Variants in CSE1L observed in about 807,000 individuals in gnomAD.
CSE1L encodes the protein chromosome segregation 1 like, also known as exportin-2.
A neutral mutation model predicts 120.4 loss-of-function variants in CSE1L; 24 were observed. The observed-to-expected ratio is 0.20, with a 90% CI of 0.14 to 0.28. The LOEUF (loss-of-function observed/expected upper bound fraction) is 0.28. Ranked by LOEUF, CSE1L falls within the 10% of genes least tolerant of loss-of-function variation. The pLI is 1.00. For missense variants in CSE1L, 830 were observed against 1,145.2 expected (o/e 0.72, Z 3.97); for synonymous variants, 402 against 398.3 (o/e 1.01, Z -0.11).
chr20:49,065,422 A>C (rs566633577), intron 3 of CSE1L, among the ~76,000 whole-genome samples: 5 of 142,112 alleles, frequency 3.5e-5, no homozygotes, highest in African/African-American at 1.3e-4. Flanking sequence ...TCTCAGGTCC[A>C]AATGATTGTC....
chr20:49,078,475 T>C (rs1243717417), intron 13 of CSE1L, 86 bp from the exon 14 acceptor site: 1 of 884,056 alleles, frequency 1.1e-6, no homozygotes, highest in South Asian at 1.6e-5. Flanking sequence ...CATTTTATCT[T>C]TTTTTATAAC....
Position 49,094,785 on chromosome 20 carries a change from C to T in CSE1L, c.2648C>T (p.Thr883Ile). 6.2e-7 allele frequency: 1 copy of T among 1,614,034 alleles called. No individual in the cohort carries two copies. The highest frequency in any genetic ancestry group is 1.1e-5 in the South Asian group (1 of 91,072). Residue 883 changes from threonine to isoleucine, a missense_variant, in exon 24 of 25, where the codon ACC becomes ATC. By Grantham distance (89) the Thr-to-Ile change is moderately conservative. Coordinates refer to ENST00000262982, the MANE Select transcript of CSE1L (RefSeq NM_001316.4). ...CTTTTTGAGTTACCCGAAGATGATACCATTCCTGATGAGGAACATTTTATT... is the reference window on the plus strand; with the variant it reads ...CTTTTTGAGTTACCCGAAGATGATATCATTCCTGATGAGGAACATTTTATT... The part of the protein sequence containing the change: ...IGLFELPEDD[T>I]IPDEEHFIDI...
In CSE1L at chr20:49,084,073, T is replaced by C. The variant is rs1312408000; in HGVS notation, c.1530T>C (p.His510=). The change falls in exon 15 of 25, where the codon CAT becomes CAC. Residue 510 remains histidine, a synonymous_variant. Transcript: ENST00000262982. The part of the protein sequence containing the change: ...LLVSIPLLIN[H]LQAESIVVHT... ...TCTCGATTCCTCTCTTGATTAATCATCTTCAAGCTGAAAGTATTGTTGTTC... is the reference window on the plus strand; with the variant it reads ...TCTCGATTCCTCTCTTGATTAATCACCTTCAAGCTGAAAGTATTGTTGTTC... 3.1e-6 allele frequency: 5 copies of C among 1,613,952 alleles called. No homozygotes were observed. In the Admixed American group the frequency reaches 8.3e-5, roughly 27 times the overall value.
chr20:49,087,054 T>C (rs2092064654), intron 16 of CSE1L, among the ~76,000 whole-genome samples: 1 of 152,238 alleles, frequency 6.6e-6, no homozygotes, highest in Non-Finnish European at 1.5e-5. Flanking sequence ...CTCTGCTTAG[T>C]AAACATTTAT....
chr20:49,082,474 C>T (rs1600539624), intron 14 of CSE1L, among the ~76,000 whole-genome samples: 2 of 151,806 alleles, frequency 1.3e-5, no homozygotes, highest in African/African-American at 4.8e-5. Flanking sequence ...GTATAAATGA[C>T]ATCATACTAT....
chr20:49,074,222 CTTT>C (rs200689109), intron 10 of CSE1L, among the ~76,000 whole-genome samples: 1 of 121,064 alleles, frequency 8.3e-6, no homozygotes, highest in Non-Finnish European at 1.6e-5. Context: ...TGTGTGTAGA[CTTT>C]TTTTTTTTTT....
intron 16 of CSE1L, among the ~76,000 whole-genome samples, chr20:49,086,474 G>A (rs754890017): frequency 3.7e-4 from 52 of 139,896 alleles, no homozygotes; most frequent in Non-Finnish European, 6.5e-4. Context: ...CAAGCGATTC[G>A]CCTGCCTCAG....
intron 14 of CSE1L, among the ~76,000 whole-genome samples, chr20:49,082,478 A>G (rs1434365759): frequency 6.6e-6 from 1 of 151,482 alleles, no homozygotes; most frequent in East Asian, 2.0e-4. Flanking sequence ...AAATGACATC[A>G]TACTATGGGT....
intron 3 of CSE1L, among the ~76,000 whole-genome samples, chr20:49,064,420 A>G (rs1342539302): frequency 6.6e-6 from 1 of 152,218 alleles, no homozygotes; most frequent in Non-Finnish European, 1.5e-5. Context: ...TGGTAAAGAA[A>G]TCTTAGAGGC....
Position 49,067,272 on chromosome 20 carries a change from C to G in CSE1L, c.559C>G (p.Leu187Val). Residue 187 changes from leucine (L) to valine (V), a missense_variant, in exon 6 of 25, where the codon CTT becomes GTT. By Grantham distance (32) the Leu-to-Val change is conservative. Transcript: ENST00000262982. ...LDAFALPLTN[L>V]FKATIELCST... ...TGCCTTTGCTTTGCCTTTGACTAATCTTTTTAAGGTATGGAATGCATCTTG... is the reference window on the plus strand; with the variant it reads ...TGCCTTTGCTTTGCCTTTGACTAATGTTTTTAAGGTATGGAATGCATCTTG... 5 of 1,599,786 alleles carry G rather than the reference C, an allele frequency of 3.1e-6. No individual in the cohort carries two copies. The highest frequency in any genetic ancestry group is 4.3e-6 in the Non-Finnish European group (5 of 1,169,192).
Position 49,094,947 on chromosome 20 carries a change from C to T in CSE1L, c.2810C>T (p.Thr937Ile), listed in dbSNP as rs1325016660. 1 of 1,613,806 alleles carries T rather than the reference C, an allele frequency of 6.2e-7. No homozygotes were observed. The highest frequency in any genetic ancestry group is 1.3e-5 in the African/African-American group (1 of 74,902). Residue 937 changes from threonine to isoleucine, a missense_variant, in exon 24 of 25, where the codon ACC (threonine) becomes ATC (isoleucine). Thr to Ile is a moderately conservative substitution (Grantham distance 89). This residue lies in a region of CSE1L where 112 missense variants were observed against 200.0 expected (regional missense o/e 0.56). Coordinates refer to ENST00000262982, the MANE Select transcript of CSE1L (RefSeq NM_001316.4). Reference sequence around the variant, plus strand: ...GCACAGTCACTTCACAAGTTGTCTACCGCCTGTCCAGGAAGGGTAAGTGTG... The same window carrying T: ...GCACAGTCACTTCACAAGTTGTCTATCGCCTGTCCAGGAAGGGTAAGTGTG... Reference protein sequence around the residue: ...HLAQSLHKLSTACPGRVPSMV... With the variant: ...HLAQSLHKLSIACPGRVPSMV...
chr20:49,055,634 G>C (rs1355070427), intron 1 of CSE1L, among the ~76,000 whole-genome samples: 1 of 152,056 alleles, frequency 6.6e-6, no homozygotes, highest in Admixed American at 6.6e-5. Context: ...GGAGGTTGGG[G>C]CTTGAGCCCT....
chr20:49,092,939 C>T (rs1274440445), intron 22 of CSE1L, among the ~76,000 whole-genome samples: 2 of 152,002 alleles, frequency 1.3e-5, no homozygotes, highest in African/African-American at 4.8e-5. Flanking sequence ...ATGAGAAATA[C>T]TTAGGACCAA....
intron 8 of CSE1L, among the ~76,000 whole-genome samples, chr20:49,070,630 C>A (rs2091924965): frequency 6.6e-6 from 1 of 152,054 alleles, no homozygotes; most frequent in East Asian, 1.9e-4. Context: ...TAATGGTAGC[C>A]CCTTTTTAAA....
intron 3 of CSE1L, 86 bp from the exon 4 acceptor site, chr20:49,066,106 T>TA (rs1491311369): frequency 3.5e-6 from 4 of 1,147,156 alleles, no homozygotes; most frequent in Admixed American, 2.4e-5. Flanking sequence ...AATTAGTAAA[T>TA]AAAAAAACAG....
intron 1 of CSE1L, among the ~76,000 whole-genome samples, chr20:49,052,668 G>T (rs938197025): frequency 3.9e-5 from 6 of 152,158 alleles, no homozygotes; most frequent in Non-Finnish European, 7.4e-5. Context: ...CACTCCCATT[G>T]CCCAGTCTGT....
At chr20:49,058,332 A>G (rs1280809991) in intron 1 of CSE1L, 121 bp from the exon 2 acceptor site, 2 of 575,902 alleles carry the variant, frequency 3.5e-6, no homozygotes, top group Non-Finnish European at 5.8e-6. Flanking sequence ...TACTGCCCAT[A>G]TAAAAAACAA....
chr20:49,093,582 T>TTTTTTTTTTTTTTTC (rs2092117539), intron 22 of CSE1L, among the ~76,000 whole-genome samples: 1 of 11,020 alleles, frequency 9.1e-5, no homozygotes, highest in Non-Finnish European at 1.8e-4. Context: ...TTTTTTTTTC[T>TTTTTTTTTTTTTTTC]TTTTTTTTTT....
chr20:49,082,455 T>G (rs749150271), intron 14 of CSE1L, among the ~76,000 whole-genome samples: 6 of 151,562 alleles, frequency 4.0e-5, no homozygotes, highest in Non-Finnish European at 8.8e-5. Context: ...AGGTTTTAAA[T>G]TTTTGTTTGT....
Sources: gnomAD v4.1 joint callset for allele counts (sites outside exome capture counted in the v4.1 genomes callset) on GRCh38, gnomAD v4.1.1 for gene constraint, gnomAD v4.1.1 regional missense constraint, MANE v1.5 for transcripts, NCBI Gene and HGNC (gene_info 2026-07-23, HGNC 2026-07-21) for gene names.